The following DNA2 variants were observed in gnomAD, a reference collection of about 807,000 sequenced individuals.
The protein encoded by DNA2 is DNA replication ATP-dependent helicase/nuclease DNA2.
Under a neutral mutation model 119.1 loss-of-function variants are expected in DNA2, and 101 were observed. The ratio of observed to expected loss-of-function variants is 0.85; its 90% CI spans 0.72 to 1.00. The LOEUF is 1.00. Among genes scored for constraint, DNA2 ranks in the 50% least tolerant of loss-of-function variants. DNA2 has a pLI of 0.00. For missense variants in DNA2, 1,121 were observed against 1,255.5 expected (o/e 0.89, Z 1.62); for synonymous variants, 366 against 424.4 (o/e 0.86, Z 1.69).
intron 6 of DNA2, 109 bp from the exon 7 acceptor site, chr10:68,446,522 T>A: frequency 1.4e-6 from 1 of 703,334 alleles, no homozygotes; most frequent in Admixed American, 3.0e-5. Flanking sequence ...ATAAAGTTAT[T>A]TCTATTTAAT....
chr10:68,460,293 G>T (rs762667813), intron 4 of DNA2, among the ~76,000 whole-genome samples: 3 of 151,920 alleles, frequency 2.0e-5, no homozygotes, highest in Non-Finnish European at 4.4e-5. Flanking sequence ...ATTTTCAGTA[G>T]AGATTGGGTT....
At chr10:68,444,187 C>A (rs891838798) in intron 8 of DNA2, among the ~76,000 whole-genome samples, 1 of 151,688 alleles carries the variant, frequency 6.6e-6, no homozygotes, top group Admixed American at 6.6e-5. Context: ...GTCAAGAGAT[C>A]GAGACCATCC....
chr10:68,422,965 G>T, intron 14 of DNA2, 75 bp from the exon 15 acceptor site: 1 of 1,153,146 alleles, frequency 8.7e-7, no homozygotes, highest in Non-Finnish European at 1.2e-6. Context: ...TTTTTGAAAT[G>T]AAAAGATCAA....
At chr10:68,472,133 G>A (rs753875087), upstream of DNA2, 1 of 1,426,946 alleles carries the variant, frequency 7.0e-7, no homozygotes, top group East Asian at 2.9e-5. Flanking sequence ...ATCTGAAGCA[G>A]ACTAAACGCT....
In DNA2 at chr10:68,468,166, C is replaced by T. The variant is rs765275259; in HGVS notation, c.398G>A (p.Ser133Asn). The T allele has an allele frequency of 3.1e-6, 5 of 1,610,216 alleles. No homozygotes were observed. The Admixed American group carries it at 5.1e-5, about 16-fold the overall frequency. Residue 133 changes from serine (S) to asparagine (N), a missense_variant, in exon 3 of 21, where the codon AGT becomes AAT. Transcript: ENST00000358410. ...GACAGCTCTTCTCATACATCGAATACTACTGGCTATGCTGGTGCCAGAAAT... is the reference window on the plus strand; with the variant it reads ...GACAGCTCTTCTCATACATCGAATATTACTGGCTATGCTGGTGCCAGAAAT... Reference protein sequence around the residue: ...MLISGTSIASSIRCMRRAVLS... With the variant: ...MLISGTSIASNIRCMRRAVLS...
At chr10:68,450,883 G>A (rs1464847009) in intron 5 of DNA2, among the ~76,000 whole-genome samples, 1 of 152,174 alleles carries the variant, frequency 6.6e-6, no homozygotes, top group Non-Finnish European at 1.5e-5. Flanking sequence ...CAGATCACTT[G>A]AGTTCAGGAG....
chr10:68,464,789 A>G (rs1784195249), intron 4 of DNA2, among the ~76,000 whole-genome samples: 1 of 134,668 alleles, frequency 7.4e-6, no homozygotes, highest in African/African-American at 2.8e-5. Flanking sequence ...AGATCACACC[A>G]TTACACTCCA....
At chr10:68,428,329 A>G (rs1027441580) in intron 14 of DNA2, among the ~76,000 whole-genome samples, 1 of 152,156 alleles carries the variant, frequency 6.6e-6, no homozygotes, top group Non-Finnish European at 1.5e-5. Context: ...CCGTCTCAAA[A>G]TAAAAAAAAA....
At chr10:68,472,088 C>G (rs535689087), upstream of DNA2, 14 of 1,561,316 alleles carry the variant, frequency 9.0e-6, no homozygotes, top group Non-Finnish European at 1.2e-5. Flanking sequence ...GCCTTTGCTC[C>G]CTTGCTTAGG....
chr10:68,470,274 A>G (rs1375575819), intron 1 of DNA2, 111 bp from the exon 2 acceptor site: 2 of 945,862 alleles, frequency 2.1e-6, no homozygotes, highest in Non-Finnish European at 3.0e-6. Context: ...TTTCTTCTGA[A>G]AAGCTTATTG....
intron 19 of DNA2, 114 bp downstream of exon 19, chr10:68,418,920 G>C (rs959724032): frequency 2.3e-6 from 2 of 856,122 alleles, no homozygotes; most frequent in African/African-American, 1.8e-5. Flanking sequence ...TGATCCACCC[G>C]CCTTGGCCTC....
chr10:68,449,889 G>A, intron 6 of DNA2, 139 bp downstream of exon 6: 1 of 626,608 alleles, frequency 1.6e-6, no homozygotes. Flanking sequence ...CTCCAGCCTG[G>A]CATGAACCCA....
At position 68,443,123 on chromosome 10, in the gene DNA2, G is replaced by C; in HGVS notation, c.1221-12C>G. The C allele has an allele frequency of 6.5e-7, 1 of 1,544,352 alleles. No homozygotes were observed. The highest frequency in any genetic ancestry group is 2.4e-5 in the East Asian group (1 of 41,750). ...GTTGTTCAACTGCTCTAAATATAAA[G>C]TTCCAAGTTAGAGATGCTTATAAAC... On this transcript the variant is annotated splice_polypyrimidine_tract_variant and intron_variant, in intron 8 of 20. Transcript: ENST00000358410.
chr10:68,419,874 C>T lies in DNA2; in HGVS notation c.2716G>A (p.Val906Ile). ...ACATTGCTCACACCACCTTTTTCAACTTGTTCTGGCGCTGGAACCTAAGTG... is the reference window on the plus strand; with the variant it reads ...ACATTGCTCACACCACCTTTTTCAATTTGTTCTGGCGCTGGAACCTAAGTG... ...NTDKVPAPEQ[V>I]EKGGVSNVTE... The change falls in exon 18 of 21, where the codon GTT (valine) becomes ATT (isoleucine). Residue 906 changes from valine to isoleucine, a missense_variant. Physicochemically the swap from Val to Ile is conservative, Grantham distance 29. Transcript: ENST00000358410. 1.2e-6 allele frequency: 2 copies of T among 1,613,892 alleles called. No homozygotes were observed. Among genetic ancestry groups the T allele is most frequent in the Non-Finnish European group, 1.7e-6 (2 of 1,179,848 alleles).
At chr10:68,430,934 G>C (rs940343604) in intron 13 of DNA2, among the ~76,000 whole-genome samples, 11 of 152,098 alleles carry the variant, frequency 7.2e-5, no homozygotes, top group African/African-American at 2.7e-4. Context: ...AGAAATTCAA[G>C]ACTTGCCTGG....
In DNA2 at chr10:68,430,501, G is replaced by C; in HGVS notation, c.2143C>G (p.Gln715Glu). 1.9e-6 allele frequency: 3 copies of C among 1,612,088 alleles called. No individual in the cohort carries two copies. Among genetic ancestry groups the C allele is most frequent in the Non-Finnish European group, 2.5e-6 (3 of 1,179,054 alleles). Residue 715 changes from glutamine to glutamate, a missense_variant, in exon 14 of 21, where the codon CAA (glutamine) becomes GAA (glutamate). Physicochemically the swap from Gln to Glu is conservative, Grantham distance 29. Coordinates refer to ENST00000358410, the MANE Select transcript of DNA2 (RefSeq NM_001080449.3). ...VHPAIQQFTE[Q>E]EICRSKSIKS... The stretch of plus-strand genomic sequence containing the variant: ...ATGGACTTTGATCTGCAAATTTCTT[G>C]CTCTGTAAATTGCTGGATAGCTGGA...
chr10:68,457,737 GAAAAA>G (rs74318507), intron 5 of DNA2, among the ~76,000 whole-genome samples: 2 of 96,738 alleles, frequency 2.1e-5, no homozygotes, highest in South Asian at 5.8e-4. Flanking sequence ...GCCACTTTGA[GAAAAA>G]AAAAAAAAAA....
chr10:68,452,060 G>A (rs1215864759), intron 5 of DNA2, among the ~76,000 whole-genome samples: 5 of 152,076 alleles, frequency 3.3e-5, no homozygotes, highest in Admixed American at 3.3e-4. Flanking sequence ...ATTCAGAGAA[G>A]CCATAATTTA....
At chr10:68,434,869 T>G (rs1437954980) in intron 10 of DNA2, among the ~76,000 whole-genome samples, 4 of 152,164 alleles carry the variant, frequency 2.6e-5, no homozygotes, top group African/African-American at 9.7e-5. Flanking sequence ...GGAACAAGCC[T>G]GGACATTTCC....
Sources: allele counts gnomAD v4.1 joint callset (sites outside exome capture counted in the v4.1 genomes callset), GRCh38; gene constraint gnomAD v4.1.1; transcripts MANE v1.5; gene names NCBI Gene and HGNC (gene_info 2026-07-23, HGNC 2026-07-21).